Variants in TANC1 observed in about 807,000 individuals in gnomAD.
TANC1 encodes the protein tetratricopeptide repeat, ankyrin repeat and coiled-coil containing 1, also known as protein TANC1.
Under a neutral mutation model 149.7 loss-of-function variants are expected in TANC1, and 77 were observed. The observed-to-expected ratio is 0.51, with a 90% confidence interval of 0.43 to 0.62. TANC1 has a LOEUF of 0.62. TANC1 is among the 20% of genes least tolerant of loss of function. The pLI, the probability that TANC1 is intolerant of heterozygous loss-of-function variation, is 0.00. For missense variants in TANC1, 1,985 were observed against 2,321.8 expected, an observed-to-expected ratio of 0.85 and a Z score of 2.98; for synonymous variants, 854 against 925.0, an observed-to-expected ratio of 0.92 and a Z score of 1.39.
intron 8 of TANC1, among the ~76,000 whole-genome samples, chr2:159,168,299 A>T (rs1397930551): frequency 8.4e-5 from 11 of 130,364 alleles, no homozygotes; most frequent in South Asian, 2.4e-4. Context: ...TAGATCTTTA[A>T]TTTTTTTTTT....
At position 159,224,244 on chromosome 2, in the gene TANC1, G is replaced by C. The variant is rs777914444; in HGVS notation, c.3691G>C (p.Val1231Leu). The change falls in exon 23 of 27, where the codon GTG (valine) becomes CTG (leucine). Residue 1231 changes from valine to leucine, a missense_variant. Val to Leu is a conservative substitution (Grantham distance 32). Transcript: ENST00000263635. ...GCTGTCTCTGCAGGTGCTGTACCTG[G>C]TGGAGAAGGGAGCCGTGATCGAGCA... is the stretch of plus-strand genomic sequence containing the variant. ...YGDAETVLYL[V>L]EKGAVIEHVD... The C allele has an allele frequency of 1.2e-6, 2 of 1,614,160 alleles. No individual in the cohort carries two copies. The highest frequency in any genetic ancestry group is 1.7e-6 in the Non-Finnish European group (2 of 1,180,032).
intron 2 of TANC1, among the ~76,000 whole-genome samples, chr2:159,006,754 G>A (rs1224676956): frequency 6.6e-6 from 1 of 152,180 alleles, no homozygotes; most frequent in Admixed American, 6.5e-5. Context: ...GGAGTTATAT[G>A]TAGATGAGAT....
At chr2:159,094,255 A>G (rs1268620673) in intron 3 of TANC1, among the ~76,000 whole-genome samples, 1 of 152,220 alleles carries the variant, frequency 6.6e-6, no homozygotes, top group Non-Finnish European at 1.5e-5. Flanking sequence ...AGGGCAATGT[A>G]GCTCTCTTCA....
At chr2:159,147,160 C>T (rs886537938) in intron 5 of TANC1, among the ~76,000 whole-genome samples, 7 of 152,122 alleles carry the variant, frequency 4.6e-5, no homozygotes, top group South Asian at 2.1e-4. Flanking sequence ...TCTGCCTCCA[C>T]GGCAGCTGCC....
chr2:159,214,298 CTT>C (rs1172973658), intron 19 of TANC1, among the ~76,000 whole-genome samples: 1 of 152,202 alleles, frequency 6.6e-6, no homozygotes, highest in East Asian at 1.9e-4. Context: ...AGGCTCAACT[CTT>C]TAGCTTTCTG....
At chr2:159,103,479 C>T (rs1270115577) in intron 4 of TANC1, among the ~76,000 whole-genome samples, 1 of 96,472 alleles carries the variant, frequency 1.0e-5, no homozygotes, top group African/African-American at 2.9e-5. Context: ...GAGGCTGAGA[C>T]GTCATTCTGT....
chr2:159,165,705 G>A (rs2054523214), intron 8 of TANC1, among the ~76,000 whole-genome samples: 1 of 152,244 alleles, frequency 6.6e-6, no homozygotes, highest in Non-Finnish European at 1.5e-5. Context: ...AATATGTGAA[G>A]GACCGTATAC....
intron 2 of TANC1, chr2:159,056,995 G>A (rs1574379904): frequency 5.8e-6 from 1 of 171,434 alleles, no homozygotes; most frequent in East Asian, 1.4e-4. Flanking sequence ...ATATGATGAT[G>A]CTACTTGTGA....
At chr2:159,046,578 TCTTTTCTTTA>T (rs2041062384) in intron 2 of TANC1, among the ~76,000 whole-genome samples, 1 of 147,836 alleles carries the variant, frequency 6.8e-6, no homozygotes, top group African/African-American at 2.5e-5. Flanking sequence ...ACCATTCTTT[TCTTTTCTTTA>T]CTTTTTTTTT....
At position 159,230,608 on chromosome 2, in the gene TANC1, G is replaced by T. The variant is rs749086883; in HGVS notation, c.5182G>T (p.Asp1728Tyr). 1 of 1,614,196 alleles carries T rather than the reference G, an allele frequency of 6.2e-7. No individual in the cohort carries two copies. Among genetic ancestry groups the T allele is most frequent in the Non-Finnish European group, 8.5e-7 (1 of 1,180,044 alleles). ...CAACACGCCGTTCATGGGCATCATG[G>T]ATAAGACTGCGAGGTTCCAACAGCA... ...PRNTPFMGIM[D>Y]KTARFQQQSN... Residue 1728 changes from aspartate (D) to tyrosine (Y), a missense_variant, in exon 27 of 27, where the codon GAT becomes TAT. By Grantham distance (160) the Asp-to-Tyr change is radical. Around this residue, in one of 3 missense-constraint regions of TANC1, gnomAD observed 920 missense variants for 994.7 expected, o/e 0.92. Coordinates refer to ENST00000263635, the MANE Select transcript of TANC1 (RefSeq NM_033394.3). The surrounding 1 kb of genome is among the most constrained non-coding windows in gnomAD (Gnocchi z 4.4).
chr2:159,106,739 C>T (rs563176616), intron 4 of TANC1, among the ~76,000 whole-genome samples: 5 of 152,232 alleles, frequency 3.3e-5, no homozygotes, highest in Admixed American at 1.3e-4. Flanking sequence ...CTTAAGTTGC[C>T]GCCAAATTAT....
intron 2 of TANC1, among the ~76,000 whole-genome samples, chr2:159,047,513 A>C (rs560491090): frequency 2.0e-5 from 3 of 152,258 alleles, no homozygotes; most frequent in Non-Finnish European, 4.4e-5. Flanking sequence ...GATTCTATTC[A>C]AAGCCATCCC....
chr2:159,159,691 C>CGTGTGTGTGTGTGT (rs371748384), intron 7 of TANC1, among the ~76,000 whole-genome samples: 5 of 118,038 alleles, frequency 4.2e-5, no homozygotes, highest in East Asian at 2.2e-4. Flanking sequence ...CATACACATA[C>CGTGTGTGTGTGTGT]GTGTGTGTGT....
chr2:159,073,262 A>G (rs542084702), intron 3 of TANC1, among the ~76,000 whole-genome samples: 44 of 152,310 alleles, frequency 2.9e-4, no homozygotes, highest in African/African-American at 1.0e-3. Context: ...AAAGGATGAA[A>G]GAGTTAGGGG....
intron 1 of TANC1, among the ~76,000 whole-genome samples, chr2:158,981,934 G>A (rs1270188705): frequency 1.3e-5 from 2 of 151,964 alleles, no homozygotes; most frequent in Non-Finnish European, 2.9e-5. Flanking sequence ...ACACCCTCGG[G>A]GTGATAATTT....
chr2:159,040,429 C>A (rs1380728110), intron 2 of TANC1, among the ~76,000 whole-genome samples: 1 of 152,136 alleles, frequency 6.6e-6, no homozygotes, highest in Non-Finnish European at 1.5e-5. Context: ...TTCACATAGT[C>A]CCATATTTCT....
rs775046320 is a variant in TANC1, at chr2:159,163,269, G to T, written c.683-14G>T. Reference sequence around the variant, plus strand: ...GCCTGGCCTCCTTCAAAGTATTTTGGTCTTTCATTTCAGCCACAATTACAA... The same window carrying T: ...GCCTGGCCTCCTTCAAAGTATTTTGTTCTTTCATTTCAGCCACAATTACAA... On this transcript the variant is annotated splice_polypyrimidine_tract_variant and intron_variant, in intron 7 of 26. Coordinates refer to ENST00000263635, the MANE Select transcript of TANC1 (RefSeq NM_033394.3). 1.9e-6 allele frequency: 3 copies of T among 1,610,158 alleles called. No homozygotes were observed. Among genetic ancestry groups the T allele is most frequent in the Non-Finnish European group, 2.5e-6 (3 of 1,177,486 alleles).
In TANC1 at chr2:159,175,075, G is replaced by C. The variant is rs1170072352; in HGVS notation, c.1626G>C (p.Leu542=). 6.2e-7 allele frequency: 1 copy of C among 1,614,182 alleles called. No individual in the cohort carries two copies. The highest frequency in any genetic ancestry group is 8.5e-7 in the Non-Finnish European group (1 of 1,180,038). ...AGCTGGCCGCCTACAGAGACCTTCT[G>C]ATAAAGGAGCCCCAACTACAGAGCA... ...SHQLAAYRDL[L]IKEPQLQSML... is the part of the protein sequence containing the mutation. The change falls in exon 12 of 27, where the codon CTG becomes CTC. Residue 542 remains leucine (L), a synonymous_variant. Coordinates refer to ENST00000263635, the MANE Select transcript of TANC1 (RefSeq NM_033394.3).
Position 159,163,142 on chromosome 2 carries a change from T to C in TANC1, c.683-141T>C, listed in dbSNP as rs373446976. 8.9e-5 allele frequency: 73 copies of C among 822,548 alleles called. No homozygotes were observed. The African/African-American group carries it at 1.1e-3, about 12-fold the overall frequency. The allele number at this position is 822,548 out of a possible 1,614,324, so 51.0% of individuals were successfully genotyped here. On this transcript the variant is annotated intron_variant, in intron 7 of 26. Coordinates refer to ENST00000263635, the MANE Select transcript of TANC1 (RefSeq NM_033394.3). ...CATTCTTCTAATTTACCAAAATACATTGTATGGAACATACTTTGATAAAAA... is the reference window on the plus strand; with the variant it reads ...CATTCTTCTAATTTACCAAAATACACTGTATGGAACATACTTTGATAAAAA...
Sources: gnomAD v4.1 joint callset for allele counts (sites outside exome capture counted in the v4.1 genomes callset) on GRCh38, gnomAD v4.1.1 for gene constraint, gnomAD v4.1.1 regional missense constraint, Gnocchi (gnomAD v3.1) non-coding constraint, MANE v1.5 for transcripts, NCBI Gene and HGNC (gene_info 2026-07-23, HGNC 2026-07-21) for gene names.